The following NSMCE2 variants were observed in gnomAD, a reference collection of about 807,000 sequenced individuals.
The protein encoded by NSMCE2 is E3 SUMO-protein ligase NSE2.
In NSMCE2, 24 loss-of-function variants were observed where a neutral mutation model predicts 23.8. The ratio of observed to expected loss-of-function variants is 1.01; its 90% CI spans 0.73 to 1.42. NSMCE2 has a LOEUF of 1.42. Ranked by LOEUF, NSMCE2 falls within the 40% of genes most tolerant of loss-of-function variation. The pLI is 0.00. For missense variants in NSMCE2, 284 were observed against 296.5 expected, an observed-to-expected ratio of 0.96 and a Z score of 0.31; for synonymous variants, 92 against 94.1, an observed-to-expected ratio of 0.98 and a Z score of 0.13.
intron 3 of NSMCE2, among the ~76,000 whole-genome samples, chr8:125,115,070 C>G (rs1440485367): frequency 6.6e-6 from 1 of 152,208 alleles, no homozygotes; most frequent in East Asian, 1.9e-4. Flanking sequence ...CTCCAACTCT[C>G]AGAGCTTGGC....
At chr8:125,325,657 T>C (rs1480238693) in intron 5 of NSMCE2, among the ~76,000 whole-genome samples, 1 of 152,098 alleles carries the variant, frequency 6.6e-6, no homozygotes, top group Non-Finnish European at 1.5e-5. Context: ...TAAGCAGCTA[T>C]TTTTAAAAAT....
At chr8:125,325,533 G>T (rs1829632952) in intron 5 of NSMCE2, among the ~76,000 whole-genome samples, 1 of 151,890 alleles carries the variant, frequency 6.6e-6, no homozygotes, top group Non-Finnish European at 1.5e-5. Flanking sequence ...TTTATTTTTG[G>T]TAGAGACAGC....
chr8:125,267,296 C>T (rs1332235588), intron 5 of NSMCE2, among the ~76,000 whole-genome samples: 6 of 152,120 alleles, frequency 3.9e-5, no homozygotes, highest in South Asian at 2.1e-4. Flanking sequence ...CCTGAGCCAC[C>T]GCGCCCAGCC....
rs1373062872 is a variant in NSMCE2, at chr8:125,310,590, G to GC, written c.419-46624dup. Among the ~76,000 whole-genome samples, 6 of 152,160 alleles carry GC rather than the reference G, an allele frequency of 3.9e-5. No homozygotes were observed. The South Asian group carries it at 1.2e-3, about 32-fold the overall frequency. On this transcript the variant is annotated intron_variant, in intron 5 of 7. Coordinates refer to ENST00000287437, the MANE Select transcript of NSMCE2 (RefSeq NM_173685.4). Reference sequence around the variant, plus strand: ...ACATTTAAATTCCCGGTTACTTTAAGCCCCCTTTTTTTTTGTCTTCTGCAT... The same window carrying GC: ...ACATTTAAATTCCCGGTTACTTTAAGCCCCCCTTTTTTTTTGTCTTCTGCAT...
At chr8:125,101,225 C>T (rs1302936813) in intron 1 of NSMCE2, among the ~76,000 whole-genome samples, 1 of 151,986 alleles carries the variant, frequency 6.6e-6, no homozygotes, top group Non-Finnish European at 1.5e-5. Flanking sequence ...ATGAATGAAC[C>T]TAATTAAAAA....
chr8:125,218,223 A>T (rs113745523), intron 5 of NSMCE2, among the ~76,000 whole-genome samples: 4 of 152,154 alleles, frequency 2.6e-5, no homozygotes, highest in Non-Finnish European at 5.9e-5. Flanking sequence ...TACTGACCAA[A>T]ATACTAACCA....
chr8:125,349,094 G>A (rs1217933773), intron 5 of NSMCE2, among the ~76,000 whole-genome samples: 5 of 151,066 alleles, frequency 3.3e-5, no homozygotes, highest in Non-Finnish European at 2.9e-5. Context: ...AAAGAACTGA[G>A]CCTGCTGAAT....
At position 125,226,487 on chromosome 8, in the gene NSMCE2, C is replaced by G. The variant is rs116535675; in HGVS notation, c.418+44231C>G. On this transcript the variant is annotated intron_variant, in intron 5 of 7. Coordinates refer to ENST00000287437, the MANE Select transcript of NSMCE2 (RefSeq NM_173685.4). Reference sequence around the variant, plus strand: ...ACAGCTGCTCTTCTTGCACTGTACCCCTCATATCTGCAGCCGGGATCAGTC... The same window carrying G: ...ACAGCTGCTCTTCTTGCACTGTACCGCTCATATCTGCAGCCGGGATCAGTC... Among the ~76,000 whole-genome samples the G allele has an allele frequency of 5.9e-3, 905 of 152,158 alleles. 9 individuals carry two copies. The highest frequency in any genetic ancestry group is 0.021 in the African/African-American group (853 of 41,502).
chr8:125,316,255 C>T (rs1829174026), intron 5 of NSMCE2, among the ~76,000 whole-genome samples: 1 of 152,232 alleles, frequency 6.6e-6, no homozygotes, highest in Non-Finnish European at 1.5e-5. Flanking sequence ...TACTTAAGAA[C>T]TCAATTCAGA....
chr8:125,186,011 G>T (rs779006555), intron 5 of NSMCE2, among the ~76,000 whole-genome samples: 13 of 152,138 alleles, frequency 8.5e-5, no homozygotes, highest in Non-Finnish European at 1.9e-4. Context: ...GACAACTCTA[G>T]ATCTAGGCCT....
intron 5 of NSMCE2, among the ~76,000 whole-genome samples, chr8:125,226,515 G>A (rs1197607043): frequency 6.6e-6 from 1 of 152,180 alleles, no homozygotes; most frequent in Non-Finnish European, 1.5e-5. Context: ...GATCAGTCAA[G>A]ATCTCATTCG....
intron 5 of NSMCE2, among the ~76,000 whole-genome samples, chr8:125,328,753 C>T (rs1419808114): frequency 6.6e-6 from 1 of 152,184 alleles, no homozygotes; most frequent in African/African-American, 2.4e-5. Context: ...TCATCCCTGT[C>T]ATCTGGGTCT....
intron 4 of NSMCE2, among the ~76,000 whole-genome samples, chr8:125,163,076 A>G (rs1351445434): frequency 6.6e-6 from 1 of 152,154 alleles, no homozygotes; most frequent in Non-Finnish European, 1.5e-5. Flanking sequence ...AACAGTTTAT[A>G]CTTTCTAAGG....
chr8:125,233,174 A>G (rs1448544916), intron 5 of NSMCE2, among the ~76,000 whole-genome samples: 3 of 152,204 alleles, frequency 2.0e-5, no homozygotes, highest in African/African-American at 7.2e-5. Flanking sequence ...CAACATAGGT[A>G]TGTAATTTAG....
chr8:125,143,172 A>G (rs1370570195), intron 3 of NSMCE2, among the ~76,000 whole-genome samples: 1 of 152,158 alleles, frequency 6.6e-6, no homozygotes, highest in Non-Finnish European at 1.5e-5. Flanking sequence ...TTGGAGCTAT[A>G]GTTTCAGAGA....
intron 5 of NSMCE2, among the ~76,000 whole-genome samples, chr8:125,197,939 T>C (rs1823696880): frequency 6.6e-6 from 1 of 152,186 alleles, no homozygotes; most frequent in Non-Finnish European, 1.5e-5. Context: ...AGGTATTTTA[T>C]TCTTTTTGTA....
chr8:125,184,657 A>G (rs982274033), intron 5 of NSMCE2, among the ~76,000 whole-genome samples: 1 of 152,228 alleles, frequency 6.6e-6, no homozygotes, highest in South Asian at 2.1e-4. Flanking sequence ...GCAAAATGTA[A>G]TTTTAGTGCA....
intron 5 of NSMCE2, among the ~76,000 whole-genome samples, chr8:125,188,905 C>A (rs926648179): frequency 1.3e-5 from 2 of 152,098 alleles, no homozygotes; most frequent in Admixed American, 6.6e-5. Context: ...CTAGAGAAGA[C>A]TAGTGATTGG....
chr8:125,300,028 A>G (rs1442031001), intron 5 of NSMCE2, among the ~76,000 whole-genome samples: 1 of 151,854 alleles, frequency 6.6e-6, no homozygotes, highest in African/African-American at 2.4e-5. Context: ...CATGTTGGCC[A>G]GGCTGGTCTC....
Sources: allele counts gnomAD v4.1 joint callset (sites outside exome capture counted in the v4.1 genomes callset), GRCh38; gene constraint gnomAD v4.1.1; transcripts MANE v1.5; gene names NCBI Gene and HGNC (gene_info 2026-07-23, HGNC 2026-07-21).